Variants in COL5A1 observed in about 807,000 individuals in gnomAD.
COL5A1 encodes collagen type V alpha 1 chain.
A neutral mutation model predicts 263.7 loss-of-function variants in COL5A1; 16 were observed. That is an observed-to-expected ratio of 0.06 (90% CI 0.04 to 0.09). The LOEUF is 0.09. Ranked by LOEUF, COL5A1 falls within the 10% of genes least tolerant of loss-of-function variation. The pLI is 1.00. For missense variants in COL5A1, 2,036 were observed against 2,540.5 expected (o/e 0.80, Z 4.27); for synonymous variants, 1,012 against 1,004.5 (o/e 1.01, Z -0.14).
intron 63 of COL5A1, among the ~76,000 whole-genome samples, chr9:134,829,182 C>T (rs1474215351): frequency 6.6e-6 from 1 of 152,240 alleles, no homozygotes; most frequent in East Asian, 1.9e-4. Context: ...TGACTGAGCA[C>T]CAGGCGCTGG....
chr9:134,766,409 C>T (rs1463762430), intron 21 of COL5A1, 45 bp from the exon 22 acceptor site: 24 of 1,602,382 alleles, frequency 1.5e-5, no homozygotes, highest in Non-Finnish European at 2.1e-5. Context: ...ACTGTGAGTT[C>T]TTTCGCATTC....
At chr9:134,732,370 C>T (rs1158390708) in intron 9 of COL5A1, 8 of 609,028 alleles carry the variant, frequency 1.3e-5, no homozygotes, top group South Asian at 1.9e-5. Flanking sequence ...TGATCAAAGC[C>T]GGTCCTGCAC....
chr9:134,830,355 C>G, intron 64 of COL5A1: 1 of 650,124 alleles, frequency 1.5e-6, no homozygotes, highest in South Asian at 1.9e-5. Flanking sequence ...CCCCCGCCAC[C>G]CTGACAAGAG....
chr9:134,698,129 G>A (rs1833548046), intron 2 of COL5A1, among the ~76,000 whole-genome samples: 2 of 152,212 alleles, frequency 1.3e-5, no homozygotes, highest in Admixed American at 6.5e-5. Context: ...CTGATGGCTT[G>A]TGTCTAGACA....
chr9:134,767,101 GCA>G (rs1393425202), intron 23 of COL5A1, 48 bp downstream of exon 23: 1 of 1,593,254 alleles, frequency 6.3e-7, no homozygotes, highest in African/African-American at 1.3e-5. Flanking sequence ...GCCGTGGGAG[GCA>G]CACGTCTCCA....
In COL5A1 at chr9:134,743,946, G is replaced by C. The variant is rs903682209; in HGVS notation, c.1494+5138G>C. On this transcript the variant is annotated intron_variant, in intron 11 of 65. Coordinates refer to ENST00000371817, the MANE Select transcript of COL5A1 (RefSeq NM_000093.5). ...ACAGGTTCTGGTGTGGTCTCCCCAG[G>C]ACCAGCCTTGGGGTGATGCCCTGCT... 1.2e-4 allele frequency among the ~76,000 whole-genome samples: 19 copies of C among 152,246 alleles called. 1 individual carries two copies. Among genetic ancestry groups the C allele is most frequent in the African/African-American group, 4.6e-4 (19 of 41,540 alleles).
chr9:134,796,240 G>A (rs1837903320), intron 34 of COL5A1, 134 bp from the exon 35 acceptor site: 1 of 952,464 alleles, frequency 1.0e-6, no homozygotes, highest in East Asian at 2.4e-5. Context: ...GCCCCTTACT[G>A]AGGGTCAGGG....
rs376950800 is a variant in COL5A1, at chr9:134,810,359, C to T, written c.3528+51C>T. ...GCAGCCCCCAGGTCCCGGGGGGCCTCGTCGCAGGCTGTAGGCCGTGTGCCA... is the reference window on the plus strand; with the variant it reads ...GCAGCCCCCAGGTCCCGGGGGGCCTTGTCGCAGGCTGTAGGCCGTGTGCCA... On this transcript the variant is annotated intron_variant, in intron 44 of 65. Coordinates refer to ENST00000371817, the MANE Select transcript of COL5A1 (RefSeq NM_000093.5). 1.1e-4 allele frequency: 166 copies of T among 1,566,854 alleles called. 1 individual carries two copies. Among genetic ancestry groups the T allele is most frequent in the South Asian group, 1.0e-3 (90 of 89,960 alleles).
chr9:134,692,002 G>A (rs1295161485), intron 2 of COL5A1, among the ~76,000 whole-genome samples: 2 of 152,212 alleles, frequency 1.3e-5, no homozygotes, highest in African/African-American at 4.8e-5. Context: ...CCTCTTTTGA[G>A]GGGCTGTTTC....
Position 134,811,132 on chromosome 9 carries a change from G to C in COL5A1, c.3529-207G>C, listed in dbSNP as rs571978931. Among the ~76,000 whole-genome samples, 6 of 152,308 alleles carry C rather than the reference G, an allele frequency of 3.9e-5. No individual in the cohort carries two copies. In the East Asian group the frequency reaches 1.2e-3, roughly 29 times the overall value. On this transcript the variant is annotated intron_variant, in intron 44 of 65. Coordinates refer to ENST00000371817, the MANE Select transcript of COL5A1 (RefSeq NM_000093.5). Reference sequence around the variant, plus strand: ...ATTGGGGGCAGCTCTTTGCCATCCAGAAATGGGCTCAGGGTGGAACCAAGA... The same window carrying C: ...ATTGGGGGCAGCTCTTTGCCATCCACAAATGGGCTCAGGGTGGAACCAAGA...
In COL5A1 at chr9:134,680,528, A is replaced by T. The variant is rs963263587; in HGVS notation, c.110-10384A>T. ...CCCCGCTGTGGAGGGCGGAGCTGGC[A>T]TCCTGACTAGCCCTGGTCAGTTCCA... On this transcript the variant is annotated intron_variant, in intron 1 of 65. Transcript: ENST00000371817. This position sits in a 1 kb window ranked among gnomAD's most constrained non-coding sequence, Gnocchi z 5.9. Among the ~76,000 whole-genome samples, 1 of 152,200 alleles carries T rather than the reference A, an allele frequency of 6.6e-6. No homozygotes were observed. The highest frequency in any genetic ancestry group is 2.1e-4 in the South Asian group (1 of 4,824).
rs568242200 is a variant in COL5A1 at position 134,763,372 on chromosome 9, C to T, written c.1990-321C>T. On this transcript the variant is annotated intron_variant, in intron 19 of 65. Coordinates refer to ENST00000371817, the MANE Select transcript of COL5A1 (RefSeq NM_000093.5). Reference sequence around the variant, plus strand: ...ACTCTCCCCTGATGCCCTGTCCTGCCCCAGAGGCTGTCATTCAAGAAGGTC... The same window carrying T: ...ACTCTCCCCTGATGCCCTGTCCTGCTCCAGAGGCTGTCATTCAAGAAGGTC... Among the ~76,000 whole-genome samples, 7 of 152,324 alleles carry T rather than the reference C, an allele frequency of 4.6e-5. No homozygotes were observed. In the South Asian group the frequency reaches 1.2e-3, roughly 27 times the overall value.
In COL5A1 at chr9:134,755,518, C is replaced by T. The variant is rs569200211; in HGVS notation, c.1827+1192C>T. Among the ~76,000 whole-genome samples the T allele has an allele frequency of 8.5e-5, 13 of 152,276 alleles. No individual in the cohort carries two copies. The highest frequency in any genetic ancestry group is 1.5e-4 in the Non-Finnish European group (10 of 68,020). ...AGAGAGGGGCTTGGAGCTGAGGGGTCGATTCCAAAGTGGTCTGAGCAGCCT... is the reference window on the plus strand; with the variant it reads ...AGAGAGGGGCTTGGAGCTGAGGGGTTGATTCCAAAGTGGTCTGAGCAGCCT... On this transcript the variant is annotated intron_variant, in intron 16 of 65. Transcript: ENST00000371817. This position sits in a 1 kb window ranked among gnomAD's most constrained non-coding sequence, Gnocchi z 4.1.
At chr9:134,796,521 C>A in intron 35 of COL5A1, 103 bp downstream of exon 35, 1 of 1,216,932 alleles carries the variant, frequency 8.2e-7, no homozygotes, top group Non-Finnish European at 1.2e-6. Flanking sequence ...AGGCACGCCT[C>A]AGACCCTGCT....
intron 11 of COL5A1, among the ~76,000 whole-genome samples, chr9:134,750,095 G>A (rs756816333): frequency 1.4e-4 from 22 of 152,220 alleles, no homozygotes; most frequent in Non-Finnish European, 2.1e-4. Context: ...CTCGCTCGGA[G>A]CCCATTAAGG....
chr9:134,829,487 G>A (rs1839492608), intron 63 of COL5A1, among the ~76,000 whole-genome samples: 1 of 149,546 alleles, frequency 6.7e-6, no homozygotes, highest in African/African-American at 2.5e-5. Context: ...CCCAGGCCGG[G>A]CTCCTCACGC....
chr9:134,821,633 T>A lies in COL5A1; in HGVS notation c.4555-464T>A, dbSNP rs1839004656. 6.6e-6 allele frequency among the ~76,000 whole-genome samples: 1 copy of A among 152,086 alleles called. No homozygotes were observed. The highest frequency in any genetic ancestry group is 2.4e-5 in the African/African-American group (1 of 41,418). ...CGCTCCAAGGATGCAGAAAGCACAT[T>A]TACAGGCAGGACAGGACAGTCAGCA... On this transcript the variant is annotated intron_variant, in intron 58 of 65. Transcript: ENST00000371817. This position sits in a 1 kb window ranked among gnomAD's most constrained non-coding sequence, Gnocchi z 4.2.
At chr9:134,721,264 C>A (rs1224311524) in intron 4 of COL5A1, among the ~76,000 whole-genome samples, 1 of 150,368 alleles carries the variant, frequency 6.7e-6, no homozygotes, top group Non-Finnish European at 1.5e-5. Context: ...AGATGTCCCC[C>A]CCATGGGACC....
chr9:134,755,707 A>G lies in COL5A1; in HGVS notation c.1828-1058A>G, dbSNP rs950207202. ...TTTGGAAATCTAGAAGAGGCTCCCA[A>G]TGGGCCCCTCCATTTGCCCAACAGG... On this transcript the variant is annotated intron_variant, in intron 16 of 65. Coordinates refer to ENST00000371817, the MANE Select transcript of COL5A1 (RefSeq NM_000093.5). This position sits in a 1 kb window ranked among gnomAD's most constrained non-coding sequence, Gnocchi z 4.1. 5.9e-5 allele frequency among the ~76,000 whole-genome samples: 9 copies of G among 152,356 alleles called. No individual in the cohort carries two copies. Among genetic ancestry groups the G allele is most frequent in the Non-Finnish European group, 8.8e-5 (6 of 68,040 alleles).
Sources: gnomAD v4.1 joint callset for allele counts (sites outside exome capture counted in the v4.1 genomes callset) on GRCh38, gnomAD v4.1.1 for gene constraint, Gnocchi (gnomAD v3.1) non-coding constraint, MANE v1.5 for transcripts, NCBI Gene and HGNC (gene_info 2026-07-23, HGNC 2026-07-21) for gene names.